The following SYTL5 variants were observed in gnomAD, a reference collection of about 807,000 sequenced individuals.
SYTL5 encodes synaptotagmin like 5.
In SYTL5, 34 loss-of-function variants were observed where a neutral mutation model predicts 55.9. The ratio of observed to expected loss-of-function variants is 0.61; its 90% CI spans 0.46 to 0.81. SYTL5 has a LOEUF of 0.81. Among genes scored for constraint, SYTL5 ranks in the 30% least tolerant of loss-of-function variants. SYTL5 has a pLI of 0.00. For synonymous variants in SYTL5, 221 were observed against 188.7 expected (o/e 1.17, Z -1.40); for missense variants, 637 against 546.7 (o/e 1.17, Z -1.65).
intron 2 of SYTL5, among the ~76,000 whole-genome samples, chrX:38,043,387 A>G (rs1935341716): frequency 9.5e-6 from 1 of 105,223 alleles, no homozygotes; most frequent in Non-Finnish European, 1.9e-5. Context: ...ATGTGTATAT[A>G]TATACACATA....
intron 9 of SYTL5, among the ~76,000 whole-genome samples, chrX:38,098,835 A>G (rs1016364454): frequency 2.7e-5 from 3 of 111,149 alleles, no homozygotes; most frequent in Non-Finnish European, 3.8e-5. Flanking sequence ...ATAAAAAGAA[A>G]TGAAGTACTG....
At chrX:37,926,184 C>T in the SYTL5 span, among the ~76,000 whole-genome samples, 2 of 111,616 alleles carry the variant, frequency 1.8e-5, no homozygotes, top group Non-Finnish European at 3.8e-5. Flanking sequence ...TTAGAGGAAT[C>T]TCCATACTGT....
the SYTL5 span, among the ~76,000 whole-genome samples, chrX:37,988,320 G>A: frequency 8.9e-6 from 1 of 111,733 alleles, no homozygotes; most frequent in Non-Finnish European, 1.9e-5. Flanking sequence ...GTATGGCAAT[G>A]TTGACACCTT....
At chrX:37,931,091 C>T in the SYTL5 span, among the ~76,000 whole-genome samples, 1 of 111,910 alleles carries the variant, frequency 8.9e-6, no homozygotes, top group Non-Finnish European at 1.9e-5. Flanking sequence ...GTCATTATTT[C>T]AATCATTCTA....
At chrX:37,901,358 A>G in the SYTL5 span, among the ~76,000 whole-genome samples, 793 of 111,952 alleles carry the variant, frequency 7.1e-3, 4 homozygotes, top group Non-Finnish European at 0.012. Context: ...TCATTAAGCA[A>G]AAAGCCAGGA....
chrX:37,966,847 C>G, the SYTL5 span, among the ~76,000 whole-genome samples: 1 of 111,729 alleles, frequency 9.0e-6, no homozygotes, highest in Non-Finnish European at 1.9e-5. Flanking sequence ...CTGAATTTGC[C>G]TATATATTTA....
chrX:37,962,174 T>C, the SYTL5 span, among the ~76,000 whole-genome samples: 2 of 110,878 alleles, frequency 1.8e-5, no homozygotes, highest in Admixed American at 9.6e-5. Context: ...GCTGCACCCA[T>C]TAACTCGTCA....
chrX:37,904,265 CG>C, the SYTL5 span, among the ~76,000 whole-genome samples: 8,437 of 62,853 alleles, frequency 0.13, 417 homozygotes, highest in Admixed American at 0.24. Flanking sequence ...TGGGGTGGTC[CG>C]GGGGGGGGGG....
chrX:38,018,680 C>T (rs755772657), intron 1 of SYTL5, among the ~76,000 whole-genome samples: 1 of 111,575 alleles, frequency 9.0e-6, no homozygotes, highest in Non-Finnish European at 1.9e-5. Context: ...GATAGACACC[C>T]AGAAATCTAT....
intron 1 of SYTL5, among the ~76,000 whole-genome samples, chrX:38,010,266 G>A (rs1385376510): frequency 4.5e-5 from 5 of 111,998 alleles, no homozygotes; most frequent in African/African-American, 6.5e-5. Context: ...GGTGGTAGGG[G>A]CCTATGAGGC....
At chrX:38,086,459 C>G (rs887310264) in intron 6 of SYTL5, among the ~76,000 whole-genome samples, 3 of 111,818 alleles carry the variant, frequency 2.7e-5, no homozygotes, top group Non-Finnish European at 5.6e-5. Flanking sequence ...TTTCAGCAAC[C>G]CAGAATATCC....
chrX:37,987,670 A>G, the SYTL5 span, among the ~76,000 whole-genome samples: 2,138 of 111,935 alleles, frequency 0.019, 59 homozygotes, highest in African/African-American at 0.066. Flanking sequence ...AGATGCTGTC[A>G]GTGCCCTGTC....
chrX:38,109,160 T>C (rs776382224), intron 12 of SYTL5, among the ~76,000 whole-genome samples: 16 of 112,270 alleles, frequency 1.4e-4, no homozygotes, highest in Non-Finnish European at 2.6e-4. Flanking sequence ...ATGTGGTTAA[T>C]GAATAGTGGA....
chrX:38,039,577 C>T (rs1407402709), intron 2 of SYTL5, among the ~76,000 whole-genome samples: 4 of 112,039 alleles, frequency 3.6e-5, no homozygotes, highest in Non-Finnish European at 7.5e-5. Flanking sequence ...TAAATATCTA[C>T]TTTGTGGTAT....
chrX:37,957,567 C>T, the SYTL5 span, among the ~76,000 whole-genome samples: 1,111 of 111,902 alleles, frequency 9.9e-3, 15 homozygotes, highest in African/African-American at 0.035. Flanking sequence ...TGGCACCCTT[C>T]GTGAAGGTCT....
chrX:38,106,079 G>A (rs938914127), intron 10 of SYTL5, among the ~76,000 whole-genome samples: 1 of 111,881 alleles, frequency 8.9e-6, no homozygotes, highest in African/African-American at 3.3e-5. Flanking sequence ...CCTTGTTAAA[G>A]CTGTAGTTAT....
At chrX:37,936,441 G>C in the SYTL5 span, among the ~76,000 whole-genome samples, 2 of 111,957 alleles carry the variant, frequency 1.8e-5, no homozygotes. Context: ...AGCATCCAGA[G>C]GCTGAGGAGG....
chrX:37,979,809 C>G, the SYTL5 span, among the ~76,000 whole-genome samples: 1 of 105,224 alleles, frequency 9.5e-6, no homozygotes, highest in Non-Finnish European at 2.0e-5. Flanking sequence ...ATTTTCTTTT[C>G]TTTTCTTTTT....
At chrX:38,011,028 A>G (rs1934160950) in intron 1 of SYTL5, among the ~76,000 whole-genome samples, 1 of 111,692 alleles carries the variant, frequency 9.0e-6, no homozygotes, top group Non-Finnish European at 1.9e-5. Context: ...GCCCAGCACC[A>G]GAGGCAATTT....
Sources: gnomAD v4.1 joint callset for allele counts (sites outside exome capture counted in the v4.1 genomes callset) on GRCh38, gnomAD v4.1.1 for gene constraint, MANE v1.5 for transcripts, NCBI Gene and HGNC (gene_info 2026-07-23, HGNC 2026-07-21) for gene names.